Variants in WASHC5 observed in about 807,000 individuals in gnomAD.
WASHC5 encodes the protein WASH complex subunit 5.
A neutral mutation model predicts 150.4 loss-of-function variants in WASHC5; 101 were observed. The ratio of observed to expected loss-of-function variants is 0.67; its 90% CI spans 0.57 to 0.79. WASHC5 has a LOEUF of 0.79. WASHC5 is among the 30% of genes least tolerant of loss of function. WASHC5 has a pLI of 0.00. For synonymous variants in WASHC5, 467 were observed against 491.2 expected, an observed-to-expected ratio of 0.95 and a Z score of 0.65; for missense variants, 1,195 against 1,396.3, an observed-to-expected ratio of 0.86 and a Z score of 2.30.
rs759661003 is a variant in WASHC5, at chr8:125,067,654, T to C, written c.1216A>G (p.Asn406Asp). ...AGCAGCTGGAAGAGGATCCTGGGAT[T>C]GTACCGAGAGTCTGTTAGAATCTGG... ...KDQILTDSRY[N>D]PRILFQLLLD... The change falls in exon 10 of 29, where the codon AAT becomes GAT. Residue 406 changes from asparagine to aspartate, a missense_variant. Transcript: ENST00000318410. The C allele has an allele frequency of 3.7e-6, 6 of 1,613,586 alleles. No homozygotes were observed. The highest frequency in any genetic ancestry group is 2.7e-5 in the African/African-American group (2 of 74,906).
In WASHC5 at chr8:125,031,503, T is replaced by G. The variant is rs548354761; in HGVS notation, c.3335+738A>C. 8.5e-5 allele frequency among the ~76,000 whole-genome samples: 13 copies of G among 152,276 alleles called. No homozygotes were observed. In the South Asian group the frequency reaches 2.7e-3, roughly 32 times the overall value. On this transcript the variant is annotated intron_variant, in intron 27 of 28. Coordinates refer to ENST00000318410, the MANE Select transcript of WASHC5 (RefSeq NM_014846.4). The stretch of plus-strand genomic sequence containing the variant: ...CATGTTGGCCAGGCTGGTCCTGAAC[T>G]CCTGACCTCAAGTAATCTACCCAAA...
intron 28 of WASHC5, among the ~76,000 whole-genome samples, chr8:125,026,581 G>C (rs1045208734): frequency 1.7e-4 from 26 of 152,078 alleles, no homozygotes; most frequent in Admixed American, 1.0e-3. Context: ...AATTAATTTT[G>C]ATAACATAGG....
At chr8:125,034,755 T>C (rs1815649494) in intron 26 of WASHC5, among the ~76,000 whole-genome samples, 1 of 152,190 alleles carries the variant, frequency 6.6e-6, no homozygotes, top group East Asian at 1.9e-4. Flanking sequence ...TAACCTAACC[T>C]AGGCCTTGGC....
chr8:125,084,028 T>A lies in WASHC5; in HGVS notation c.-124-6A>T, dbSNP rs1350474034. ...TGGCTCCTCCATTAAAGAACCTGTA[T>A]CCCCAAAAAAAGTGTGAAAATCTCA... On this transcript the variant is annotated splice_region_variant and splice_polypyrimidine_tract_variant and intron_variant, in intron 1 of 28. Transcript: ENST00000318410. 4.7e-6 allele frequency: 4 copies of A among 846,266 alleles called. No individual in the cohort carries two copies. Among genetic ancestry groups the A allele is most frequent in the Non-Finnish European group, 7.7e-6 (4 of 520,326 alleles). The allele number at this position is 846,266 out of a possible 1,614,324, so 52.4% of individuals were successfully genotyped here.
intron 23 of WASHC5, among the ~76,000 whole-genome samples, chr8:125,042,755 A>G (rs1815932304): frequency 6.6e-6 from 1 of 152,170 alleles, no homozygotes; most frequent in Non-Finnish European, 1.5e-5. Flanking sequence ...GAAGCGCTTA[A>G]TATCTGACAA....
intron 28 of WASHC5, among the ~76,000 whole-genome samples, chr8:125,024,999 A>G (rs1432003774): frequency 6.6e-6 from 1 of 152,106 alleles, no homozygotes; most frequent in Non-Finnish European, 1.5e-5. Flanking sequence ...GTCACCTAAT[A>G]CACTTCATTA....
chr8:125,058,710 G>A (rs1324962212), intron 14 of WASHC5, among the ~76,000 whole-genome samples: 2 of 150,028 alleles, frequency 1.3e-5, no homozygotes, highest in African/African-American at 5.0e-5. Flanking sequence ...GAAACAAAGC[G>A]AGATTCCATC....
chr8:125,068,891 C>T (rs1341634558), intron 9 of WASHC5, among the ~76,000 whole-genome samples: 3 of 152,194 alleles, frequency 2.0e-5, no homozygotes, highest in Admixed American at 6.5e-5. Context: ...ATGAAATAAA[C>T]GCCAAGTTAA....
intron 12 of WASHC5, among the ~76,000 whole-genome samples, chr8:125,060,813 A>G (rs1466623495): frequency 3.9e-5 from 6 of 152,020 alleles, no homozygotes; most frequent in Admixed American, 2.0e-4. Flanking sequence ...AATTTGCCCA[A>G]TGTTTCTATA....
At chr8:125,035,493 A>T (rs555895218) in intron 26 of WASHC5, among the ~76,000 whole-genome samples, 8 of 152,348 alleles carry the variant, frequency 5.3e-5, no homozygotes, top group Middle Eastern at 3.4e-3. Context: ...TCTTCAGATG[A>T]ACCTTTACAT....
chr8:125,045,735 T>G (rs780114993), intron 20 of WASHC5, among the ~76,000 whole-genome samples: 5 of 152,202 alleles, frequency 3.3e-5, no homozygotes, highest in African/African-American at 4.8e-5. Flanking sequence ...TGCTTACAAC[T>G]TCCATCTGCT....
Position 125,028,644 on chromosome 8 carries a change from A to C in WASHC5, c.3399T>G (p.Val1133=), listed in dbSNP as rs1162825449. Residue 1133 remains valine, a synonymous_variant, in exon 28 of 29, where the codon GTT becomes GTG. Coordinates refer to ENST00000318410, the MANE Select transcript of WASHC5 (RefSeq NM_014846.4). ...CCCTCCTGGGTAGCTTTGTGTACCG[A>C]ACATAATCCTCCAGGAACAGAAGGG... The part of the protein sequence containing the change: ...VGALLFLEDY[V]RYTKLPRRVA... 8 of 1,613,346 alleles carry C rather than the reference A, an allele frequency of 5.0e-6. No individual in the cohort carries two copies. Among genetic ancestry groups the C allele is most frequent in the Non-Finnish European group, 5.9e-6 (7 of 1,179,430 alleles).
At chr8:125,079,001 T>C in intron 5 of WASHC5, 71 bp from the exon 6 acceptor site, 2 of 1,265,024 alleles carry the variant, frequency 1.6e-6, no homozygotes, top group Non-Finnish European at 1.2e-6. Flanking sequence ...TCCAATAAAG[T>C]AGAATTCCAT....
In WASHC5 at chr8:125,061,212, A is replaced by G. The variant is rs765040031; in HGVS notation, c.1409-18T>C. On this transcript the variant is annotated intron_variant, in intron 11 of 28. Coordinates refer to ENST00000318410, the MANE Select transcript of WASHC5 (RefSeq NM_014846.4). Reference sequence around the variant, plus strand: ...AAGGTTTTCTAGTAATACAGAAATAAGAAAATACTGAAATCCTCGAATTCC... The same window carrying G: ...AAGGTTTTCTAGTAATACAGAAATAGGAAAATACTGAAATCCTCGAATTCC... 3 of 1,297,582 alleles carry G rather than the reference A, an allele frequency of 2.3e-6. No homozygotes were observed. In the South Asian group the frequency reaches 3.6e-5, roughly 15 times the overall value. The allele number at this position is 1,297,582 out of a possible 1,614,324, so 80.4% of individuals were successfully genotyped here.
intron 25 of WASHC5, among the ~76,000 whole-genome samples, chr8:125,037,812 A>G (rs1273473982): frequency 6.6e-6 from 1 of 152,144 alleles, no homozygotes; most frequent in East Asian, 1.9e-4. Context: ...AAAGAGAGCA[A>G]AGTTCTTCTT....
chr8:125,089,796 A>C (rs1817541591), intron 1 of WASHC5, among the ~76,000 whole-genome samples: 2 of 152,228 alleles, frequency 1.3e-5, no homozygotes, highest in Admixed American at 1.3e-4. Flanking sequence ...CTTACTCAAG[A>C]ATTACGCTGT....
chr8:125,077,600 G>A (rs1033249156), intron 6 of WASHC5, among the ~76,000 whole-genome samples: 5 of 152,112 alleles, frequency 3.3e-5, no homozygotes, highest in African/African-American at 1.2e-4. Context: ...AGAAGGACGT[G>A]GAATGAGAGG....
intron 8 of WASHC5, among the ~76,000 whole-genome samples, chr8:125,073,757 G>A (rs1816972129): frequency 6.6e-6 from 1 of 152,234 alleles, no homozygotes; most frequent in African/African-American, 2.4e-5. Context: ...TTAGAATTCT[G>A]AGACTACATC....
intron 1 of WASHC5, among the ~76,000 whole-genome samples, chr8:125,086,364 T>A (rs1451728049): frequency 6.6e-6 from 1 of 152,068 alleles, no homozygotes; most frequent in Non-Finnish European, 1.5e-5. Flanking sequence ...AGTCTCAAAC[T>A]CCTGGGCTCA....
Sources: gnomAD v4.1 joint callset for allele counts (sites outside exome capture counted in the v4.1 genomes callset) on GRCh38, gnomAD v4.1.1 for gene constraint, MANE v1.5 for transcripts, NCBI Gene and HGNC (gene_info 2026-07-23, HGNC 2026-07-21) for gene names.